VAV3: variants seen among roughly 807,000 people sequenced by gnomAD.
VAV3 encodes the protein vav guanine nucleotide exchange factor 3.
VAV3 carries 94 observed loss-of-function variants against 131.2 expected under a neutral mutation model. The ratio of observed to expected loss-of-function variants is 0.72; its 90% CI spans 0.61 to 0.85. The LOEUF (loss-of-function observed/expected upper bound fraction) is 0.85, where lower values mean the gene tolerates loss of function less well. Among genes scored for constraint, VAV3 ranks in the 40% least tolerant of loss-of-function variants. VAV3 has a pLI of 0.00. For synonymous variants in VAV3, 349 were observed against 342.0 expected, an observed-to-expected ratio of 1.02 and a Z score of -0.22; for missense variants, 939 against 1,002.7, an observed-to-expected ratio of 0.94 and a Z score of 0.86.
At chr1:107,669,419 T>C (rs1043008907) in intron 19 of VAV3, 4 of 1,289,754 alleles carry the variant, frequency 3.1e-6, no homozygotes, top group East Asian at 1.1e-4. Context: ...CTTTTTACAA[T>C]GCTTCTAGTA....
chr1:107,807,279 T>C (rs529351315), intron 2 of VAV3, among the ~76,000 whole-genome samples: 20 of 152,342 alleles, frequency 1.3e-4, no homozygotes, highest in African/African-American at 4.6e-4. Context: ...AGAGTAGAGC[T>C]GGAAGCCACA....
chr1:107,809,023 C>A (rs1667196269), intron 2 of VAV3, among the ~76,000 whole-genome samples: 1 of 152,134 alleles, frequency 6.6e-6, no homozygotes, highest in South Asian at 2.1e-4. Flanking sequence ...AAACTATTCA[C>A]AAGGCTGAGC....
intron 24 of VAV3, among the ~76,000 whole-genome samples, chr1:107,598,101 C>G (rs1411394622): frequency 6.6e-6 from 1 of 152,134 alleles, no homozygotes; most frequent in Non-Finnish European, 1.5e-5. Flanking sequence ...TGCCTGTAAT[C>G]CCAGCACTTT....
intron 1 of VAV3, among the ~76,000 whole-genome samples, chr1:107,911,632 A>G (rs983275633): frequency 2.6e-5 from 4 of 152,232 alleles, no homozygotes; most frequent in African/African-American, 9.6e-5. Flanking sequence ...AAAATGTTCT[A>G]TGGGAAAATG....
At chr1:107,629,088 G>A (rs1654250283) in intron 20 of VAV3, among the ~76,000 whole-genome samples, 1 of 152,126 alleles carries the variant, frequency 6.6e-6, no homozygotes, top group African/African-American at 2.4e-5. Flanking sequence ...GTTCCAATTA[G>A]CTTACAAAAC....
At chr1:107,757,395 A>C in intron 10 of VAV3, 66 bp from the exon 11 acceptor site, 1 of 1,288,858 alleles carries the variant, frequency 7.8e-7, no homozygotes, top group Middle Eastern at 1.9e-4. Flanking sequence ...TAAAGAAAAC[A>C]TTTTTACAAA....
chr1:107,872,301 G>T (rs1466606918), intron 2 of VAV3, among the ~76,000 whole-genome samples: 1 of 152,128 alleles, frequency 6.6e-6, no homozygotes, highest in Non-Finnish European at 1.5e-5. Context: ...AACTTCAAAG[G>T]CTATAAAAAC....
intron 15 of VAV3, among the ~76,000 whole-genome samples, chr1:107,737,998 A>G (rs533784936): frequency 1.3e-5 from 2 of 152,372 alleles, no homozygotes; most frequent in South Asian, 4.1e-4. Context: ...AATGTGGCAC[A>G]TATTCACCAT....
At chr1:107,698,388 C>T (rs1406126124) in intron 17 of VAV3, among the ~76,000 whole-genome samples, 1 of 152,210 alleles carries the variant, frequency 6.6e-6, no homozygotes, top group Non-Finnish European at 1.5e-5. Context: ...GCAAACAATA[C>T]AGTGTACTGT....
At chr1:107,599,125 C>T (rs1165389039) in intron 24 of VAV3, among the ~76,000 whole-genome samples, 1 of 152,092 alleles carries the variant, frequency 6.6e-6, no homozygotes, top group Non-Finnish European at 1.5e-5. Context: ...AATGAGTTTT[C>T]CAAGGCCTAG....
At chr1:107,705,879 G>A (rs1660420410) in intron 15 of VAV3, among the ~76,000 whole-genome samples, 1 of 152,130 alleles carries the variant, frequency 6.6e-6, no homozygotes, top group Non-Finnish European at 1.5e-5. Flanking sequence ...CTCTAACTCA[G>A]GTCTTTGCTT....
chr1:107,960,261 A>G (rs1675020002), intron 1 of VAV3, among the ~76,000 whole-genome samples: 1 of 152,148 alleles, frequency 6.6e-6, no homozygotes, highest in Non-Finnish European at 1.5e-5. Context: ...TGAGCTCAGG[A>G]GTTGGAGACC....
Position 107,652,241 on chromosome 1 carries a change from C to T in VAV3, c.1778-9486G>A, listed in dbSNP as rs544301952. 6.6e-4 allele frequency among the ~76,000 whole-genome samples: 100 copies of T among 152,234 alleles called. 1 individual carries two copies. The highest frequency in any genetic ancestry group is 1.1e-3 in the Non-Finnish European group (74 of 68,006). Reference sequence around the variant, plus strand: ...CCTAGTCCTCACTGCTACACTCCCACCAGTGCCATGACAGTTTACAAATGC... The same window carrying T: ...CCTAGTCCTCACTGCTACACTCCCATCAGTGCCATGACAGTTTACAAATGC... On this transcript the variant is annotated intron_variant, in intron 19 of 26. Transcript: ENST00000370056.
chr1:107,716,816 C>T (rs1161580291), intron 15 of VAV3, among the ~76,000 whole-genome samples: 1 of 152,188 alleles, frequency 6.6e-6, no homozygotes, highest in Non-Finnish European at 1.5e-5. Context: ...AGGAATGGTA[C>T]CAGCTCTTCC....
chr1:107,730,922 C>A (rs1662202188), intron 15 of VAV3, among the ~76,000 whole-genome samples: 1 of 152,134 alleles, frequency 6.6e-6, no homozygotes, highest in African/African-American at 2.4e-5. Flanking sequence ...CAGCTTCTGT[C>A]ATTTGCTAAG....
At chr1:107,902,214 A>G (rs1312664206) in intron 1 of VAV3, among the ~76,000 whole-genome samples, 1 of 152,220 alleles carries the variant, frequency 6.6e-6, no homozygotes, top group Non-Finnish European at 1.5e-5. Context: ...AGGAGGCTAG[A>G]CCAAGGGTCT....
At chr1:107,866,552 C>A (rs1300923636) in intron 2 of VAV3, among the ~76,000 whole-genome samples, 1 of 152,116 alleles carries the variant, frequency 6.6e-6, no homozygotes, top group Admixed American at 6.6e-5. Flanking sequence ...CATGGTGTCT[C>A]ATGCCTATAA....
intron 2 of VAV3, among the ~76,000 whole-genome samples, chr1:107,833,430 T>C (rs1304278538): frequency 6.6e-6 from 1 of 152,224 alleles, no homozygotes; most frequent in Non-Finnish European, 1.5e-5. Flanking sequence ...AAAGAAGTCA[T>C]CTTCATAACA....
chr1:107,964,942 T>G lies in VAV3; in HGVS notation c.-73A>C, dbSNP rs2101435178. ...GCGGCCGCCGCCGCCGCCGCCGCGG[T>G]TCCTCCGCGCCCCGCCGACGCCAAC... On this transcript the variant is annotated 5_prime_UTR_variant, in exon 1 of 27. Coordinates refer to ENST00000370056, the MANE Select transcript of VAV3 (RefSeq NM_006113.5). 8.5e-7 allele frequency: 1 copy of G among 1,177,270 alleles called. No homozygotes were observed. 72.9% of individuals were successfully genotyped at this position (1,177,270 alleles called of 1,614,324 possible). A position where few individuals can be genotyped will look rare whatever the true frequency, so the allele number is the denominator to read the frequency against.
Sources: gnomAD v4.1 joint callset for allele counts (sites outside exome capture counted in the v4.1 genomes callset) on GRCh38, gnomAD v4.1.1 for gene constraint, MANE v1.5 for transcripts, NCBI Gene and HGNC (gene_info 2026-07-23, HGNC 2026-07-21) for gene names.